The following NUP54 variants were observed in gnomAD, a reference collection of about 807,000 sequenced individuals.
The protein encoded by NUP54 is nucleoporin 54.
NUP54 carries 27 observed loss-of-function variants against 66.4 expected under a neutral mutation model. The observed-to-expected ratio is 0.41, with a 90% CI of 0.30 to 0.56. The LOEUF (loss-of-function observed/expected upper bound fraction) is 0.56. Ranked by LOEUF, NUP54 falls within the 20% of genes least tolerant of loss-of-function variation. NUP54 has a pLI of 0.34. For missense variants in NUP54, 486 were observed against 596.3 expected, an observed-to-expected ratio of 0.82 and a Z score of 1.93; for synonymous variants, 206 against 210.7, an observed-to-expected ratio of 0.98 and a Z score of 0.19.
chr4:76,126,941 GA>G (rs1730562027), intron 8 of NUP54, among the ~76,000 whole-genome samples: 1 of 151,934 alleles, frequency 6.6e-6, no homozygotes, highest in Non-Finnish European at 1.5e-5. Context: ...CAAGATTAGA[GA>G]TTCATGCTAC....
chr4:76,148,388 G>A lies in NUP54; in HGVS notation c.-14C>T, dbSNP rs1413635347. The stretch of plus-strand genomic sequence containing the variant: ...ATTGAAGGCCATGTCGCGAAAGCAG[G>A]AGACCAAGTAGGTTACTCCTGCGAC... On this transcript the variant is annotated 5_prime_UTR_variant, in exon 1 of 12. Transcript: ENST00000264883. 4.6e-6 allele frequency: 7 copies of A among 1,519,166 alleles called. No individual in the cohort carries two copies. The highest frequency in any genetic ancestry group is 6.2e-6 in the Non-Finnish European group (7 of 1,132,350). 94.1% of individuals were successfully genotyped at this position (1,519,166 alleles called of 1,614,324 possible).
At chr4:76,131,165 C>A in intron 7 of NUP54, 65 bp downstream of exon 7, 1 of 928,678 alleles carries the variant, frequency 1.1e-6, no homozygotes, top group South Asian at 1.4e-5. Context: ...ATTAATAGCT[C>A]CCATGTTTGC....
intron 9 of NUP54, among the ~76,000 whole-genome samples, chr4:76,122,275 G>A (rs919595746): frequency 3.3e-5 from 5 of 152,150 alleles, no homozygotes; most frequent in South Asian, 2.1e-4. Flanking sequence ...TTTTTGGTCC[G>A]ATTTGAGGTA....
chr4:76,129,738 G>A (rs1281733959), intron 8 of NUP54, among the ~76,000 whole-genome samples: 11 of 151,476 alleles, frequency 7.3e-5, no homozygotes, highest in African/African-American at 1.2e-4. Flanking sequence ...GGTGGCAGGC[G>A]CCTGTAGTCC....
At chr4:76,147,792 G>C in intron 1 of NUP54, 1 of 431,294 alleles carries the variant, frequency 2.3e-6, no homozygotes. Flanking sequence ...AAGCAGAGTG[G>C]GGGTGGGGTG....
chr4:76,146,886 T>C (rs960590358), intron 1 of NUP54, among the ~76,000 whole-genome samples: 3 of 152,230 alleles, frequency 2.0e-5, no homozygotes, highest in Non-Finnish European at 4.4e-5. Flanking sequence ...ACTGCTCTCT[T>C]TGAGCATTTC....
At chr4:76,134,115 C>G (rs774356410) in intron 5 of NUP54, 60 bp downstream of exon 5, 86 of 1,207,808 alleles carry the variant, frequency 7.1e-5, no homozygotes, top group Non-Finnish European at 8.6e-5. Flanking sequence ...CATTATTGAT[C>G]ACTCCCTTAG....
intron 1 of NUP54, chr4:76,147,937 A>G (rs1376152940): frequency 3.2e-6 from 1 of 312,576 alleles, no homozygotes; most frequent in Non-Finnish European, 6.1e-6. Flanking sequence ...AGCGGGAACC[A>G]CGCAAGCGTT....
intron 1 of NUP54, chr4:76,147,593 A>T: frequency 7.8e-7 from 1 of 1,289,734 alleles, no homozygotes; most frequent in Non-Finnish European, 1.0e-6. Context: ...AAACCCCCAA[A>T]ATTAAACCCA....
At chr4:76,138,757 A>G (rs938210830) in intron 3 of NUP54, among the ~76,000 whole-genome samples, 5 of 152,158 alleles carry the variant, frequency 3.3e-5, no homozygotes, top group Non-Finnish European at 5.9e-5. Context: ...GTAAAGGCCA[A>G]CAGTATGTGT....
At chr4:76,117,995 C>A in intron 10 of NUP54, 80 bp downstream of exon 10, 1 of 1,424,152 alleles carries the variant, frequency 7.0e-7, no homozygotes, top group Non-Finnish European at 9.8e-7. Flanking sequence ...ATACAAAATT[C>A]CTGCTTGAAG....
At chr4:76,140,730 T>C (rs1266528246) in intron 3 of NUP54, among the ~76,000 whole-genome samples, 1 of 152,286 alleles carries the variant, frequency 6.6e-6, no homozygotes, top group East Asian at 1.9e-4. Context: ...CCAGGCAACA[T>C]TGAGACCTGA....
At chr4:76,134,047 C>A in intron 5 of NUP54, 128 bp downstream of exon 5, 1 of 635,406 alleles carries the variant, frequency 1.6e-6, no homozygotes. Flanking sequence ...ACTGAATAAT[C>A]ACTAGCTGAG....
At chr4:76,115,528 T>C in intron 11 of NUP54, 34 bp from the exon 12 acceptor site, 1 of 1,537,132 alleles carries the variant, frequency 6.5e-7, no homozygotes, top group Non-Finnish European at 8.7e-7. Flanking sequence ...TATTAATGTA[T>C]TAATTTCTTA....
chr4:76,134,034 A>G (rs1730925606), intron 5 of NUP54, 141 bp downstream of exon 5: 3 of 548,118 alleles, frequency 5.5e-6, no homozygotes, highest in Non-Finnish European at 3.0e-6. Context: ...TGTTTTTATC[A>G]ATACTGAATA....
chr4:76,132,651 G>A lies in NUP54; in HGVS notation c.779C>T (p.Thr260Met), dbSNP rs199836646. ...GGCTTGTTCAAAATGGGCATATAGC[G>A]TTGTAGCTGGAACTCTTCTTGAAGT... is the stretch of plus-strand genomic sequence containing the variant. Reference protein sequence around the residue: ...NGTSRRVPATTLYAHFEQANI... With the variant: ...NGTSRRVPATMLYAHFEQANI... Residue 260 changes from threonine (T) to methionine (M), a missense_variant, in exon 6 of 12, where the codon ACG (threonine) becomes ATG (methionine). Thr to Met is a moderately conservative substitution (Grantham distance 81, BLOSUM62 -1). Coordinates refer to ENST00000264883, the MANE Select transcript of NUP54 (RefSeq NM_017426.4). The A allele has an allele frequency of 3.0e-5, 49 of 1,613,888 alleles. No individual in the cohort carries two copies. The highest frequency in any genetic ancestry group is 1.6e-4 in the Middle Eastern group (1 of 6,084).
At chr4:76,143,779 T>A (rs923338691) in intron 3 of NUP54, among the ~76,000 whole-genome samples, 6 of 152,178 alleles carry the variant, frequency 3.9e-5, no homozygotes, top group African/African-American at 1.2e-4. Flanking sequence ...TAGGGAAATG[T>A]GGTAGGCTTC....
At chr4:76,122,975 T>A (rs994271630) in intron 9 of NUP54, among the ~76,000 whole-genome samples, 1 of 152,242 alleles carries the variant, frequency 6.6e-6, no homozygotes, top group Non-Finnish European at 1.5e-5. Context: ...TATATCGTTA[T>A]GATTCCATTT....
intron 3 of NUP54, among the ~76,000 whole-genome samples, chr4:76,142,277 A>G (rs1232903236): frequency 3.3e-5 from 5 of 152,236 alleles, no homozygotes; most frequent in African/African-American, 1.2e-4. Flanking sequence ...AGAAAAGACG[A>G]ATGACTGGAA....
Sources: gnomAD v4.1 joint callset for allele counts (sites outside exome capture counted in the v4.1 genomes callset) on GRCh38, gnomAD v4.1.1 for gene constraint, MANE v1.5 for transcripts, NCBI Gene and HGNC (gene_info 2026-07-23, HGNC 2026-07-21) for gene names.